Variants in SGIP1 observed in about 807,000 individuals in gnomAD.
SGIP1 encodes the protein SH3GL interacting endocytic adaptor 1.
Under a neutral mutation model 107.5 loss-of-function variants are expected in SGIP1, and 38 were observed. The ratio of observed to expected loss-of-function variants is 0.35; its 90% CI spans 0.27 to 0.46. The LOEUF is 0.46. Ranked by LOEUF, SGIP1 falls within the 20% of genes least tolerant of loss-of-function variation. The pLI is 1.00. For missense variants in SGIP1, 929 were observed against 1,019.5 expected (o/e 0.91, Z 1.21); for synonymous variants, 365 against 366.1 (o/e 1.00, Z 0.03).
At chr1:66,690,512 A>G (rs2089579603) in intron 17 of SGIP1, 196 bp downstream of exon 17, 1 of 649,178 alleles carries the variant, frequency 1.5e-6, no homozygotes, top group Non-Finnish European at 2.6e-6. Flanking sequence ...ATGAACAAAT[A>G]AAAGAACATT....
In SGIP1 at chr1:66,642,851, C is replaced by T. The variant is rs766048418; in HGVS notation, c.270C>T (p.Pro90=). Residue 90 remains proline (P), a synonymous_variant, in exon 6 of 25, where the codon CCC becomes CCT. Coordinates refer to ENST00000371037, the MANE Select transcript of SGIP1 (RefSeq NM_032291.4). ...ATGAAGAAGGCTACAGCATCAGACCCGAGGAACCCGGCTATATCCTTTCTT... is the reference window on the plus strand; with the variant it reads ...ATGAAGAAGGCTACAGCATCAGACCTGAGGAACCCGGCTATATCCTTTCTT... The part of the protein sequence containing the change: ...ELDEEGYSIR[P]EEPGSTKGKH... The T allele has an allele frequency of 5.6e-6, 9 of 1,612,096 alleles. No homozygotes were observed. The highest frequency in any genetic ancestry group is 2.2e-5 in the East Asian group (1 of 44,738).
intron 1 of SGIP1, among the ~76,000 whole-genome samples, chr1:66,545,875 T>C (rs191950536): frequency 7.2e-5 from 11 of 152,284 alleles, no homozygotes; most frequent in Admixed American, 1.3e-4. Context: ...TAGCACATTC[T>C]TATACCTGCT....
chr1:66,723,995 A>G (rs2093651458), intron 19 of SGIP1, among the ~76,000 whole-genome samples: 1 of 152,220 alleles, frequency 6.6e-6, no homozygotes, highest in Non-Finnish European at 1.5e-5. Flanking sequence ...TAGTCTTGTA[A>G]TATGAAAAGC....
chr1:66,650,562 G>A (rs183950972), intron 7 of SGIP1, among the ~76,000 whole-genome samples: 15 of 152,150 alleles, frequency 9.9e-5, no homozygotes, highest in Admixed American at 8.5e-4. Context: ...CATTCCCCCT[G>A]GCCTCCATTT....
chr1:66,584,035 T>A (rs759682220), intron 1 of SGIP1, among the ~76,000 whole-genome samples: 11 of 152,264 alleles, frequency 7.2e-5, no homozygotes, highest in Middle Eastern at 3.4e-3. Flanking sequence ...GTAAGTAGAA[T>A]CCTTAGAGGC....
rs2150797327 is a variant in SGIP1, at chr1:66,743,962, G to C, written c.*867G>C. ...AATCAGTCAGACTAAAACCAAAATT[G>C]TGATTTTAAGATTTCAAGACTTTCC... On this transcript the variant is annotated 3_prime_UTR_variant, in exon 25 of 25. Coordinates refer to ENST00000371037, the MANE Select transcript of SGIP1 (RefSeq NM_032291.4). The C allele has an allele frequency of 6.6e-6, 1 of 152,384 alleles. No individual in the cohort carries two copies. Among genetic ancestry groups the C allele is most frequent in the Middle Eastern group, 3.4e-3 (1 of 294 alleles). The allele number at this position is 152,384 out of a possible 1,614,324, so 9.4% of individuals were successfully genotyped here.
intron 2 of SGIP1, among the ~76,000 whole-genome samples, chr1:66,627,427 G>A (rs1356513918): frequency 2.6e-5 from 4 of 152,114 alleles, no homozygotes; most frequent in African/African-American, 9.7e-5. Context: ...ATAATGGAAG[G>A]CAAGGCTGGA....
At chr1:66,577,326 G>A (rs914935477) in intron 1 of SGIP1, among the ~76,000 whole-genome samples, 8 of 152,074 alleles carry the variant, frequency 5.3e-5, no homozygotes, top group Non-Finnish European at 1.2e-4. Context: ...AAGTATCCAG[G>A]TCTACATCAT....
intron 19 of SGIP1, among the ~76,000 whole-genome samples, chr1:66,720,130 A>G (rs1346452120): frequency 2.0e-5 from 3 of 152,210 alleles, no homozygotes; most frequent in Non-Finnish European, 4.4e-5. Context: ...CAGAAAATCA[A>G]TGGTTTCCCT....
At chr1:66,654,838 T>A (rs1327490275) in intron 7 of SGIP1, among the ~76,000 whole-genome samples, 1 of 152,214 alleles carries the variant, frequency 6.6e-6, no homozygotes, top group Non-Finnish European at 1.5e-5. Context: ...GGTGCAGAGC[T>A]GTGCCTGCCA....
At chr1:66,698,379 CTT>C (rs397739553) in intron 18 of SGIP1, among the ~76,000 whole-genome samples, 8 of 137,286 alleles carry the variant, frequency 5.8e-5, no homozygotes, top group African/African-American at 5.4e-5. Context: ...ATGGTGATGA[CTT>C]TTTTTTTTTT....
At chr1:66,598,615 G>A (rs1425141539) in intron 1 of SGIP1, among the ~76,000 whole-genome samples, 1 of 152,134 alleles carries the variant, frequency 6.6e-6, no homozygotes, top group Non-Finnish European at 1.5e-5. Context: ...ACTTACAATC[G>A]TGGCTGAATG....
chr1:66,542,720 G>T (rs1469226459), intron 1 of SGIP1, among the ~76,000 whole-genome samples: 3 of 152,160 alleles, frequency 2.0e-5, no homozygotes, highest in Non-Finnish European at 2.9e-5. Context: ...GATCACTGTT[G>T]ACTGTGGGTA....
At chr1:66,674,650 T>C (rs2084755131) in intron 12 of SGIP1, among the ~76,000 whole-genome samples, 1 of 152,220 alleles carries the variant, frequency 6.6e-6, no homozygotes, top group South Asian at 2.1e-4. Flanking sequence ...AATATAGGAC[T>C]GGTAAAGTAG....
chr1:66,742,537 C>G (rs1281466003), intron 24 of SGIP1, among the ~76,000 whole-genome samples: 1 of 124,918 alleles, frequency 8.0e-6, no homozygotes, highest in Non-Finnish European at 1.6e-5. Flanking sequence ...TGGCGCTATC[C>G]CGGCTCACTG....
In SGIP1 at chr1:66,639,725, T is replaced by G. The variant is rs775299425; in HGVS notation, c.172-52T>G. The G allele has an allele frequency of 1.3e-5, 18 of 1,415,656 alleles. No homozygotes were observed. In the South Asian group the frequency reaches 1.3e-4, roughly 10 times the overall value. The allele number at this position is 1,415,656 out of a possible 1,614,324, so 87.7% of individuals were successfully genotyped here. ...TAAGAGTTAAATGTTCTTTGTCCCT[T>G]TGTTTTTATTCAAATGTTTTCCTTC... On this transcript the variant is annotated intron_variant, in intron 4 of 24. Transcript: ENST00000371037.
rs2061119501 is a variant in SGIP1, at chr1:66,576,722, T to C, written c.10+42354T>C. ...CCTTCTCCTCTTCCTCTTCTCTTTTTCCTGATCCCTCCTCTCAGAGTAGAT... is the reference window on the plus strand; with the variant it reads ...CCTTCTCCTCTTCCTCTTCTCTTTTCCCTGATCCCTCCTCTCAGAGTAGAT... On this transcript the variant is annotated intron_variant, in intron 1 of 24. Transcript: ENST00000371037. Among the ~76,000 whole-genome samples, 3 of 152,194 alleles carry C rather than the reference T, an allele frequency of 2.0e-5. No homozygotes were observed. In the South Asian group the frequency reaches 6.2e-4, roughly 32 times the overall value.
chr1:66,683,027 C>T (rs2087158013), intron 15 of SGIP1, among the ~76,000 whole-genome samples: 2 of 152,198 alleles, frequency 1.3e-5, no homozygotes, highest in African/African-American at 4.8e-5. Flanking sequence ...TTGACACACT[C>T]ATCAGGCTAT....
rs559285818 is a variant in SGIP1, at chr1:66,662,468, A to C, written c.471+1944A>C. Among the ~76,000 whole-genome samples the C allele has an allele frequency of 7.9e-5, 12 of 152,314 alleles. No individual in the cohort carries two copies. The East Asian group carries it at 1.9e-3, about 24-fold the overall frequency. On this transcript the variant is annotated intron_variant, in intron 8 of 24. Coordinates refer to ENST00000371037, the MANE Select transcript of SGIP1 (RefSeq NM_032291.4). ...ACTTTATTCACATTGACTAAGACTA[A>C]GGTGTCATAGTTAACTGAATTTAAA...
Sources: allele counts gnomAD v4.1 joint callset (sites outside exome capture counted in the v4.1 genomes callset), GRCh38; gene constraint gnomAD v4.1.1; transcripts MANE v1.5; gene names NCBI Gene and HGNC (gene_info 2026-07-23, HGNC 2026-07-21).